The following PCDH15 variants were observed in gnomAD, a reference collection of about 807,000 sequenced individuals.
The protein encoded by PCDH15 is protocadherin-15.
In PCDH15, 129 loss-of-function variants were observed where a neutral mutation model predicts 178.5. That is an observed-to-expected ratio of 0.72 (90% confidence interval 0.63 to 0.84). The LOEUF (loss-of-function observed/expected upper bound fraction) is 0.84. PCDH15 is among the 40% of genes least tolerant of loss of function. PCDH15 has a pLI of 0.00. For synonymous variants in PCDH15, 800 were observed against 732.0 expected (o/e 1.09, Z -1.50); for missense variants, 2,230 against 2,099.9 (o/e 1.06, Z -1.21).
At chr10:55,395,222 AG>A (rs1381246112) in intron 2 of PCDH15, among the ~76,000 whole-genome samples, 1 of 147,876 alleles carries the variant, frequency 6.8e-6, no homozygotes, top group African/African-American at 2.5e-5. Context: ...AGAGAGAGAG[AG>A]AGAGAGAGAA....
intron 1 of PCDH15, among the ~76,000 whole-genome samples, chr10:54,760,340 A>C (rs1378043019): frequency 6.6e-6 from 1 of 151,834 alleles, no homozygotes; most frequent in Admixed American, 6.6e-5. Flanking sequence ...GTTTTAAAAC[A>C]GATGGGATGA....
chr10:55,157,693 A>T (rs1381620088), intron 2 of PCDH15, among the ~76,000 whole-genome samples: 1 of 151,900 alleles, frequency 6.6e-6, no homozygotes, highest in African/African-American at 2.4e-5. Context: ...TTCCTAGCAA[A>T]CTATCACAAG....
chr10:54,499,224 G>A (rs117154116), intron 3 of PCDH15, among the ~76,000 whole-genome samples: 5,027 of 152,134 alleles, frequency 0.033, 114 homozygotes, highest in Non-Finnish European at 0.052. Context: ...ATGATAATAG[G>A]AGACTTCAAT....
chr10:54,050,327 C>T (rs1420732391), intron 18 of PCDH15, among the ~76,000 whole-genome samples: 2 of 152,116 alleles, frequency 1.3e-5, no homozygotes, highest in Non-Finnish European at 2.9e-5. Flanking sequence ...ATTTCATCTA[C>T]ATTTTCTAGT....
At chr10:53,811,938 T>G (rs907366460) in intron 35 of PCDH15, among the ~76,000 whole-genome samples, 19 of 152,190 alleles carry the variant, frequency 1.2e-4, no homozygotes, top group African/African-American at 4.3e-4. Context: ...TTGGATGTCT[T>G]TTAAAATTAT....
rs1272806565 is a variant in PCDH15 at position 53,894,718 on chromosome 10, C to CTTGACAT, written c.3501+8518_3501+8524dup. On this transcript the variant is annotated intron_variant, in intron 26 of 37. Coordinates refer to ENST00000644397, the MANE Select transcript of PCDH15 (RefSeq NM_001384140.1). ...CAAGTATAACAGTTGTCACAGGACA[C>CTTGACAT]TTGACATTGTAACAGTAAATAACAC... 2.0e-5 allele frequency among the ~76,000 whole-genome samples: 3 copies of CTTGACAT among 152,206 alleles called. No homozygotes were observed. The East Asian group carries it at 5.8e-4, about 29-fold the overall frequency.
intron 2 of PCDH15, among the ~76,000 whole-genome samples, chr10:54,649,743 A>G (rs2135163930): frequency 6.6e-6 from 1 of 152,244 alleles, no homozygotes; most frequent in South Asian, 2.1e-4. Context: ...TCCTAACAGG[A>G]TGCAAAAAAG....
intron 2 of PCDH15, among the ~76,000 whole-genome samples, chr10:54,918,617 A>G (rs1057259134): frequency 6.6e-6 from 1 of 152,164 alleles, no homozygotes; most frequent in Non-Finnish European, 1.5e-5. Flanking sequence ...AATTGCACTA[A>G]CACCAGCATG....
At chr10:54,456,113 C>A (rs2076804705) in intron 3 of PCDH15, among the ~76,000 whole-genome samples, 1 of 152,034 alleles carries the variant, frequency 6.6e-6, no homozygotes, top group South Asian at 2.1e-4. Context: ...GGTTGGAGCC[C>A]CACACAGCAC....
At chr10:55,076,506 A>C (rs12412759) in intron 2 of PCDH15, among the ~76,000 whole-genome samples, 10,124 of 149,996 alleles carry the variant, frequency 0.067, 453 homozygotes, top group African/African-American at 0.11. Context: ...GCCTGTAGTG[A>C]AGTGGTGCGA....
At chr10:54,944,350 C>T (rs890388161) in intron 2 of PCDH15, among the ~76,000 whole-genome samples, 4 of 151,876 alleles carry the variant, frequency 2.6e-5, no homozygotes, top group Non-Finnish European at 5.9e-5. Flanking sequence ...TACAAGTCAG[C>T]AGACTGTCTA....
At chr10:54,969,213 T>A (rs998462749) in intron 2 of PCDH15, among the ~76,000 whole-genome samples, 1 of 152,180 alleles carries the variant, frequency 6.6e-6, no homozygotes, top group African/African-American at 2.4e-5. Context: ...TCTTCAGATA[T>A]TCTTGAATGT....
At chr10:54,398,432 T>C (rs1951514840) in intron 3 of PCDH15, among the ~76,000 whole-genome samples, 2 of 151,952 alleles carry the variant, frequency 1.3e-5, no homozygotes, top group African/African-American at 4.8e-5. Context: ...AAAATTTCCA[T>C]CTCTAGCAAT....
chr10:55,042,130 T>C (rs1282842445), intron 2 of PCDH15, among the ~76,000 whole-genome samples: 1 of 152,084 alleles, frequency 6.6e-6, no homozygotes, highest in African/African-American at 2.4e-5. Flanking sequence ...TAACAAATGG[T>C]AAGATTCTTA....
intron 9 of PCDH15, 87 bp from the exon 10 acceptor site, chr10:54,214,135 G>T (rs1012684584): frequency 1.3e-5 from 10 of 748,384 alleles, no homozygotes; most frequent in Non-Finnish European, 1.9e-5. Flanking sequence ...ATCAGCTGAG[G>T]AACAAAGCTA....
At chr10:54,948,218 G>A (rs1838239378) in intron 2 of PCDH15, among the ~76,000 whole-genome samples, 1 of 151,970 alleles carries the variant, frequency 6.6e-6, no homozygotes, top group African/African-American at 2.4e-5. Context: ...ATAAGTTCCA[G>A]TTTGAAAGCC....
chr10:54,616,164 A>G (rs1013914842), intron 2 of PCDH15, among the ~76,000 whole-genome samples: 1 of 152,100 alleles, frequency 6.6e-6, no homozygotes, highest in African/African-American at 2.4e-5. Flanking sequence ...CCTCAAAACT[A>G]TATCTGTGGG....
chr10:54,272,797 T>G (rs1304538736), intron 8 of PCDH15, among the ~76,000 whole-genome samples: 1 of 152,140 alleles, frequency 6.6e-6, no homozygotes, highest in East Asian at 1.9e-4. Context: ...ATGCCACTTA[T>G]AAAATCATAC....
In PCDH15 at chr10:54,023,035, C is replaced by T. The variant is rs202136369; in HGVS notation, c.2383G>A (p.Ala795Thr). The stretch of plus-strand genomic sequence containing the variant: ...AGAGTTGAATGACGAGGGTGTACTG[C>T]TCCATCTGTTGCCACAACAACAAGT... ...YELVVVATDG[A>T]VHPRHSTLTL... The change falls in exon 19 of 38, where the codon GCA becomes ACA. Residue 795 changes from alanine (A) to threonine (T), a missense_variant. Coordinates refer to ENST00000644397, the MANE Select transcript of PCDH15 (RefSeq NM_001384140.1). 5 of 1,613,960 alleles carry T rather than the reference C, an allele frequency of 3.1e-6. No homozygotes were observed. The highest frequency in any genetic ancestry group is 4.2e-6 in the Non-Finnish European group (5 of 1,179,904).
Sources: gnomAD v4.1 joint callset for allele counts (sites outside exome capture counted in the v4.1 genomes callset) on GRCh38, gnomAD v4.1.1 for gene constraint, MANE v1.5 for transcripts, NCBI Gene and HGNC (gene_info 2026-07-23, HGNC 2026-07-21) for gene names.